Variants in WWOX observed in about 807,000 individuals in gnomAD.
The protein encoded by WWOX is WW domain containing oxidoreductase.
WWOX carries 69 observed loss-of-function variants against 46.2 expected under a neutral mutation model. The ratio of observed to expected loss-of-function variants is 1.49; its 90% CI spans 1.23 to 1.82. The LOEUF is 1.82. Ranked by LOEUF, WWOX falls within the 40% of genes most tolerant of loss-of-function variation. The pLI, the probability that WWOX is intolerant of heterozygous loss-of-function variation, is 0.00. For missense variants in WWOX, 919 were observed against 542.6 expected (o/e 1.69, Z -6.89); for synonymous variants, 359 against 202.6 (o/e 1.77, Z -6.56).
chr16:78,440,526 TGTGTTGAATGA>T (rs1395744270), intron 8 of WWOX, among the ~76,000 whole-genome samples: 3 of 152,206 alleles, frequency 2.0e-5, no homozygotes, highest in African/African-American at 7.2e-5. Context: ...GCACTCCTTA[TGTGTTGAATGA>T]GTAAATGAAG....
At chr16:78,607,624 G>A (rs1437290827) in intron 8 of WWOX, among the ~76,000 whole-genome samples, 1 of 149,980 alleles carries the variant, frequency 6.7e-6, no homozygotes, top group Non-Finnish European at 1.5e-5. Flanking sequence ...TGGCGTAAGA[G>A]GAGTGACTCA....
At chr16:78,687,781 C>CCAGAT (rs2047896566) in intron 8 of WWOX, among the ~76,000 whole-genome samples, 1 of 152,106 alleles carries the variant, frequency 6.6e-6, no homozygotes, top group Non-Finnish European at 1.5e-5. Context: ...TGACTATTAA[C>CCAGAT]CAGATTTTGG....
At chr16:78,957,109 C>G (rs575998891) in intron 8 of WWOX, among the ~76,000 whole-genome samples, 7 of 152,266 alleles carry the variant, frequency 4.6e-5, no homozygotes, top group South Asian at 2.1e-4. Context: ...ATAGTAAACG[C>G]TCCCACTTTA....
chr16:78,314,031 C>G (rs1254209971), intron 5 of WWOX, among the ~76,000 whole-genome samples: 1 of 152,142 alleles, frequency 6.6e-6, no homozygotes, highest in Non-Finnish European at 1.5e-5. Flanking sequence ...CTGTGCCTCA[C>G]ACATCTATAA....
chr16:78,751,828 A>G (rs2049488016), intron 8 of WWOX, among the ~76,000 whole-genome samples: 1 of 151,748 alleles, frequency 6.6e-6, no homozygotes, highest in African/African-American at 2.4e-5. Flanking sequence ...TTTTCTAGAA[A>G]AAGAAAGGAA....
intron 8 of WWOX, among the ~76,000 whole-genome samples, chr16:79,060,437 C>T (rs376890656): frequency 7.9e-5 from 12 of 152,324 alleles, no homozygotes; most frequent in African/African-American, 2.2e-4. Context: ...TTTCTGATGC[C>T]ACTGAAGATG....
chr16:78,101,417 G>C (rs1567568745), intron 1 of WWOX, among the ~76,000 whole-genome samples: 2 of 145,364 alleles, frequency 1.4e-5, no homozygotes, highest in Non-Finnish European at 3.0e-5. Flanking sequence ...TGCGATCTCG[G>C]TTCACTGCAA....
At chr16:79,134,360 A>G (rs1671844490) in intron 8 of WWOX, among the ~76,000 whole-genome samples, 1 of 152,092 alleles carries the variant, frequency 6.6e-6, no homozygotes, top group East Asian at 1.9e-4. Flanking sequence ...AAGAAAGTAC[A>G]CTGTAAGGTT....
At chr16:79,193,220 G>T (rs2051172003) in intron 8 of WWOX, among the ~76,000 whole-genome samples, 1 of 152,166 alleles carries the variant, frequency 6.6e-6, no homozygotes, top group African/African-American at 2.4e-5. Flanking sequence ...CTCCAAATTT[G>T]ATTCCCTCTG....
intron 8 of WWOX, among the ~76,000 whole-genome samples, chr16:78,439,294 A>T (rs367696203): frequency 6.6e-6 from 1 of 152,182 alleles, no homozygotes; most frequent in African/African-American, 2.4e-5. Context: ...GCCAGTCCAG[A>T]TATGTTAGAA....
At chr16:78,497,497 C>T (rs186461308) in intron 8 of WWOX, among the ~76,000 whole-genome samples, 2 of 150,384 alleles carry the variant, frequency 1.3e-5, no homozygotes, top group Admixed American at 6.7e-5. Context: ...AATTTCTTTA[C>T]AGAAAGGAAG....
chr16:79,152,072 T>A (rs1465822673), intron 8 of WWOX, among the ~76,000 whole-genome samples: 2 of 152,228 alleles, frequency 1.3e-5, no homozygotes, highest in South Asian at 2.1e-4. Flanking sequence ...TATCCCTTGT[T>A]AAATTTCCTC....
chr16:78,741,885 G>A (rs1476232160), intron 8 of WWOX, among the ~76,000 whole-genome samples: 1 of 152,212 alleles, frequency 6.6e-6, no homozygotes, highest in Non-Finnish European at 1.5e-5. Context: ...CATAAAGTAA[G>A]ATGTTAAAGT....
intron 8 of WWOX, among the ~76,000 whole-genome samples, chr16:79,071,541 C>T (rs1168666699): frequency 6.6e-6 from 1 of 152,180 alleles, no homozygotes; most frequent in Admixed American, 6.5e-5. Context: ...TCTAGGAGAG[C>T]TGTTTCAGGT....
At chr16:78,151,724 G>GA (rs1219852653) in intron 4 of WWOX, among the ~76,000 whole-genome samples, 1 of 152,104 alleles carries the variant, frequency 6.6e-6, no homozygotes, top group African/African-American at 2.4e-5. Flanking sequence ...TCCTATAGCA[G>GA]GCATGTATGC....
intron 8 of WWOX, among the ~76,000 whole-genome samples, chr16:79,035,549 A>T (rs753843510): frequency 6.6e-6 from 1 of 151,842 alleles, no homozygotes; most frequent in Non-Finnish European, 1.5e-5. Flanking sequence ...TTTATTTATT[A>T]ATTTTTTGAG....
intron 5 of WWOX, among the ~76,000 whole-genome samples, chr16:78,169,315 A>G (rs921694402): frequency 6.6e-6 from 1 of 152,040 alleles, no homozygotes; most frequent in African/African-American, 2.4e-5. Context: ...AATCCATGTG[A>G]GTTCTCTAAG....
chr16:78,916,782 C>G (rs937810182), intron 8 of WWOX, among the ~76,000 whole-genome samples: 2 of 152,156 alleles, frequency 1.3e-5, no homozygotes, highest in Non-Finnish European at 2.9e-5. Context: ...TTGTTACAAC[C>G]CAGGGTCAGG....
At chr16:78,712,468 C>A (rs2142327705) in intron 8 of WWOX, among the ~76,000 whole-genome samples, 1 of 151,556 alleles carries the variant, frequency 6.6e-6, no homozygotes, top group Non-Finnish European at 1.5e-5. Context: ...TACCACTGCA[C>A]TCCAGCCTGG....
Sources: gnomAD v4.1 joint callset for allele counts (sites outside exome capture counted in the v4.1 genomes callset) on GRCh38, gnomAD v4.1.1 for gene constraint, MANE v1.5 for transcripts, NCBI Gene and HGNC (gene_info 2026-07-23, HGNC 2026-07-21) for gene names.